Variants in CUL1 observed in about 807,000 individuals in gnomAD.
The protein encoded by CUL1 is cullin-1.
In CUL1, 24 loss-of-function variants were observed where a neutral mutation model predicts 118.0. The ratio of observed to expected loss-of-function variants is 0.20; its 90% CI spans 0.15 to 0.29. The LOEUF (loss-of-function observed/expected upper bound fraction) is 0.29. Ranked by LOEUF, CUL1 falls within the 10% of genes least tolerant of loss-of-function variation. The pLI is 1.00. For missense variants in CUL1, 361 were observed against 933.8 expected (o/e 0.39, Z 7.99); for synonymous variants, 332 against 340.4 (o/e 0.98, Z 0.27).
At chr7:148,741,191 T>TA (rs201449167) in intron 2 of CUL1, among the ~76,000 whole-genome samples, 3,706 of 152,288 alleles carry the variant, frequency 0.024, 113 homozygotes, top group African/African-American at 0.074. Context: ...TTTTTACTAT[T>TA]ACGAATAGTG....
chr7:148,744,726 C>T (rs911321299), intron 2 of CUL1, among the ~76,000 whole-genome samples: 1 of 152,118 alleles, frequency 6.6e-6, no homozygotes, highest in Non-Finnish European at 1.5e-5. Flanking sequence ...TTCATTCCTT[C>T]CTAAAGATGC....
chr7:148,742,390 A>AC (rs967181527), intron 2 of CUL1, among the ~76,000 whole-genome samples: 8 of 152,060 alleles, frequency 5.3e-5, no homozygotes, highest in Non-Finnish European at 1.0e-4. Context: ...CATTTATAAA[A>AC]CCATCAGATT....
intron 1 of CUL1, among the ~76,000 whole-genome samples, chr7:148,713,606 T>TA (rs1798118821): frequency 6.6e-6 from 1 of 152,208 alleles, no homozygotes; most frequent in African/African-American, 2.4e-5. Flanking sequence ...TTCTAATTCC[T>TA]AAGATGTTTA....
At chr7:148,776,852 G>T (rs1404760523) in intron 9 of CUL1, among the ~76,000 whole-genome samples, 1 of 152,162 alleles carries the variant, frequency 6.6e-6, no homozygotes, top group African/African-American at 2.4e-5. Context: ...CACTGAGTCA[G>T]GCAGCCCTAT....
intron 1 of CUL1, among the ~76,000 whole-genome samples, chr7:148,712,509 A>G (rs1798083340): frequency 6.6e-6 from 1 of 152,218 alleles, no homozygotes; most frequent in Non-Finnish European, 1.5e-5. Flanking sequence ...GTTTTCAGGT[A>G]ACGTTAATTT....
chr7:148,718,234 G>A (rs1352422994), intron 1 of CUL1, among the ~76,000 whole-genome samples: 1 of 152,154 alleles, frequency 6.6e-6, no homozygotes, highest in Admixed American at 6.5e-5. Context: ...GAGATTTAAT[G>A]CACATGCTAT....
intron 1 of CUL1, among the ~76,000 whole-genome samples, chr7:148,715,622 C>A (rs1219867236): frequency 2.6e-5 from 4 of 152,088 alleles, no homozygotes; most frequent in Non-Finnish European, 5.9e-5. Flanking sequence ...AAATTTTAGT[C>A]CTCATCTCTA....
chr7:148,713,935 G>A (rs974914959), intron 1 of CUL1, among the ~76,000 whole-genome samples: 7 of 152,110 alleles, frequency 4.6e-5, no homozygotes, highest in African/African-American at 1.4e-4. Context: ...TGTTGGCCAG[G>A]TCTTGAACTC....
At chr7:148,740,841 G>A (rs1799117913) in intron 2 of CUL1, among the ~76,000 whole-genome samples, 2 of 152,210 alleles carry the variant, frequency 1.3e-5, no homozygotes, top group African/African-American at 4.8e-5. Context: ...AGGACACAGT[G>A]AGAAGGTGGC....
At chr7:148,749,297 A>T (rs1799405720) in intron 2 of CUL1, among the ~76,000 whole-genome samples, 2 of 151,550 alleles carry the variant, frequency 1.3e-5, no homozygotes, top group African/African-American at 4.9e-5. Context: ...CACGCCTGTA[A>T]TCTCAGTTAT....
chr7:148,767,858 A>T, intron 9 of CUL1, 109 bp downstream of exon 9: 1 of 1,036,548 alleles, frequency 9.6e-7, no homozygotes, highest in Non-Finnish European at 1.4e-6. Context: ...CATTTTCATT[A>T]GAACTCTGAG....
At chr7:148,710,088 AAAAT>A (rs1477585406) in intron 1 of CUL1, among the ~76,000 whole-genome samples, 4 of 152,182 alleles carry the variant, frequency 2.6e-5, no homozygotes, top group African/African-American at 7.2e-5. Flanking sequence ...CCCTGTGTCA[AAAAT>A]AAATAAGTAA....
chr7:148,798,611 C>G lies in CUL1; in HGVS notation c.2070C>G (p.Thr690=). 6.2e-7 allele frequency: 1 copy of G among 1,614,040 alleles called. No individual in the cohort carries two copies. The highest frequency in any genetic ancestry group is 2.2e-5 in the East Asian group (1 of 44,874). ...TTAACATCAATGTGCCAATGAAAAC[C>G]GAACAGAAGCAGGAACAAGAAACCA... The part of the protein sequence containing the change: ...LRVNINVPMK[T]EQKQEQETTH... Residue 690 remains threonine (T), a synonymous_variant, in exon 20 of 22, where the codon ACC becomes ACG. Transcript: ENST00000325222.
chr7:148,744,896 A>AT (rs953168547), intron 2 of CUL1, among the ~76,000 whole-genome samples: 13 of 150,338 alleles, frequency 8.6e-5, no homozygotes, highest in South Asian at 2.1e-4. Context: ...TTCTTTCAGC[A>AT]TTTTTTTTTC....
At chr7:148,773,121 T>C (rs766255024) in intron 9 of CUL1, among the ~76,000 whole-genome samples, 4 of 152,160 alleles carry the variant, frequency 2.6e-5, no homozygotes, top group Admixed American at 6.5e-5. Flanking sequence ...CTTAATACAT[T>C]TATAATTTTA....
At chr7:148,707,790 C>T (rs114801041) in intron 1 of CUL1, among the ~76,000 whole-genome samples, 2,471 of 152,260 alleles carry the variant, frequency 0.016, 63 homozygotes, top group African/African-American at 0.056. Context: ...GTTTTAAAAG[C>T]ATCTCAATAC....
intron 1 of CUL1, among the ~76,000 whole-genome samples, chr7:148,711,032 A>G (rs912720131): frequency 2.6e-5 from 4 of 152,166 alleles, no homozygotes; most frequent in African/African-American, 4.8e-5. Flanking sequence ...AGCAAAATTT[A>G]AAAAGTCCCC....
chr7:148,708,283 C>T (rs530825569), intron 1 of CUL1, among the ~76,000 whole-genome samples: 1 of 152,340 alleles, frequency 6.6e-6, no homozygotes, highest in African/African-American at 2.4e-5. Flanking sequence ...TTGCCCCAAA[C>T]TGATCTCTTT....
At chr7:148,755,601 A>G (rs1799628488) in intron 3 of CUL1, among the ~76,000 whole-genome samples, 1 of 152,194 alleles carries the variant, frequency 6.6e-6, no homozygotes, top group African/African-American at 2.4e-5. Flanking sequence ...CATAAAGTGA[A>G]TGTTGTAATT....
Sources: allele counts gnomAD v4.1 joint callset (sites outside exome capture counted in the v4.1 genomes callset), GRCh38; gene constraint gnomAD v4.1.1; transcripts MANE v1.5; gene names NCBI Gene and HGNC (gene_info 2026-07-23, HGNC 2026-07-21).